ANKS1B: variants seen among roughly 807,000 people sequenced by gnomAD.
ANKS1B encodes the protein ankyrin repeat and sterile alpha motif domain-containing protein 1B.
ANKS1B carries 36 observed loss-of-function variants against 148.3 expected under a neutral mutation model. The observed-to-expected ratio is 0.24, with a 90% CI of 0.19 to 0.32. ANKS1B has a LOEUF of 0.32. Among genes scored for constraint, ANKS1B ranks in the 10% least tolerant of loss-of-function variants. ANKS1B has a pLI of 1.00. For synonymous variants in ANKS1B, 542 were observed against 560.8 expected, an observed-to-expected ratio of 0.97 and a Z score of 0.47; for missense variants, 1,157 against 1,542.6, an observed-to-expected ratio of 0.75 and a Z score of 4.19.
At chr12:99,382,039 G>A (rs2093660498) in intron 12 of ANKS1B, among the ~76,000 whole-genome samples, 1 of 152,166 alleles carries the variant, frequency 6.6e-6, no homozygotes, top group Non-Finnish European at 1.5e-5. Flanking sequence ...TTTACAAAGA[G>A]GGAAATTATA....
chr12:99,238,737 G>A lies in ANKS1B; in HGVS notation c.2419+5605C>T, dbSNP rs543082430. On this transcript the variant is annotated intron_variant, in intron 14 of 26. Transcript: ENST00000683438. Reference sequence around the variant, plus strand: ...GAAGGATCAGGCAGCAATATTTGCTGTTCTGCAGCCTCTACTAGTGATACC... The same window carrying A: ...GAAGGATCAGGCAGCAATATTTGCTATTCTGCAGCCTCTACTAGTGATACC... Among the ~76,000 whole-genome samples the A allele has an allele frequency of 5.9e-5, 9 of 152,292 alleles. 1 individual carries two copies. The Middle Eastern group carries it at 0.014, about 232-fold the overall frequency.
exon 10 of ANKS1B, chr12:98,735,488 A>G: frequency 1.7e-6 from 1 of 587,086 alleles, no homozygotes; most frequent in Non-Finnish European, 3.3e-6. Flanking sequence ...AGACCACTAA[A>G]GTGAAGGATT....
intron 3 of ANKS1B, among the ~76,000 whole-genome samples, chr12:99,808,963 A>C (rs888644197): frequency 5.9e-5 from 9 of 152,082 alleles, no homozygotes; most frequent in African/African-American, 2.2e-4. Context: ...AAGTTCACAG[A>C]TTTTATCCAT....
rs574531347 is a variant in ANKS1B, at chr12:99,706,327, C to T, written c.1129-51117G>A. The T allele has an allele frequency of 3.4e-4, 51 of 151,980 alleles. 1 individual carries two copies. The highest frequency in any genetic ancestry group is 1.2e-3 in the African/African-American group (50 of 41,502). The allele number at this position is 151,980 out of a possible 1,614,324, so 9.4% of individuals were successfully genotyped here. A position where few individuals can be genotyped will look rare whatever the true frequency, so the allele number is the denominator to read the frequency against. ...GGAAGAGAAGAAGATGGTTGGGGTACTGCTTTTTAAAATAATAATAAATAA... is the reference window on the plus strand; with the variant it reads ...GGAAGAGAAGAAGATGGTTGGGGTATTGCTTTTTAAAATAATAATAAATAA... On this transcript the variant is annotated intron_variant, in intron 8 of 26. Transcript: ENST00000683438.
At chr12:99,451,261 A>G (rs2152820590) in intron 10 of ANKS1B, among the ~76,000 whole-genome samples, 1 of 152,340 alleles carries the variant, frequency 6.6e-6, no homozygotes, top group South Asian at 2.1e-4. Context: ...AGTTTATTTT[A>G]TCTTTTAGAA....
chr12:99,643,991 T>A (rs1444616308), intron 9 of ANKS1B, among the ~76,000 whole-genome samples: 1 of 152,232 alleles, frequency 6.6e-6, no homozygotes, highest in Admixed American at 6.5e-5. Context: ...ATTGAGAATG[T>A]TCCAACCATC....
At chr12:99,322,983 C>T (rs1279964222) in intron 12 of ANKS1B, among the ~76,000 whole-genome samples, 1 of 152,194 alleles carries the variant, frequency 6.6e-6, no homozygotes, top group Admixed American at 6.5e-5. Context: ...GCCCCCTGGT[C>T]ATGTGGAACT....
chr12:99,516,806 A>C (rs2096825962), intron 9 of ANKS1B, among the ~76,000 whole-genome samples: 1 of 152,002 alleles, frequency 6.6e-6, no homozygotes, highest in Non-Finnish European at 1.5e-5. Context: ...GCACCTTTGT[A>C]AAAAATGAGT....
At chr12:99,060,540 A>G (rs575640560) in intron 16 of ANKS1B, among the ~76,000 whole-genome samples, 116 of 152,230 alleles carry the variant, frequency 7.6e-4, no homozygotes, top group African/African-American at 2.8e-3. Context: ...GTAAGATTAC[A>G]TGACCACTAT....
At chr12:99,450,863 T>A (rs2152819370) in intron 10 of ANKS1B, among the ~76,000 whole-genome samples, 1 of 152,342 alleles carries the variant, frequency 6.6e-6, no homozygotes, top group South Asian at 2.1e-4. Flanking sequence ...GCTTTTATAA[T>A]AATTCCATGA....
At chr12:98,817,655 C>G (rs948272172) in intron 19 of ANKS1B, among the ~76,000 whole-genome samples, 3 of 152,226 alleles carry the variant, frequency 2.0e-5, no homozygotes, top group African/African-American at 7.2e-5. Context: ...CTGTTAGCTT[C>G]TCAAGTTCCC....
chr12:99,960,056 T>C (rs1444541200), intron 1 of ANKS1B, among the ~76,000 whole-genome samples: 1 of 152,152 alleles, frequency 6.6e-6, no homozygotes, highest in Non-Finnish European at 1.5e-5. Flanking sequence ...ATGAGCACTT[T>C]ATTTGCAAAA....
chr12:99,134,127 T>G (rs926133265), intron 15 of ANKS1B, among the ~76,000 whole-genome samples: 6 of 152,140 alleles, frequency 3.9e-5, no homozygotes, highest in African/African-American at 1.4e-4. Flanking sequence ...TAGACAACGA[T>G]TTTTTTCCTC....
chr12:99,723,508 C>A (rs762204520), intron 8 of ANKS1B, among the ~76,000 whole-genome samples: 9 of 152,144 alleles, frequency 5.9e-5, no homozygotes, highest in Non-Finnish European at 1.0e-4. Context: ...GCCGGAGCCA[C>A]TAGGGGTAGG....
At chr12:99,418,119 A>C (rs10777983) in intron 11 of ANKS1B, among the ~76,000 whole-genome samples, 40,393 of 152,056 alleles carry the variant, frequency 0.27, 5,512 homozygotes, top group East Asian at 0.43. Flanking sequence ...CTAATTAATA[A>C]CATAAAACAT....
At chr12:99,713,618 C>A (rs1311203449) in intron 8 of ANKS1B, among the ~76,000 whole-genome samples, 1 of 152,128 alleles carries the variant, frequency 6.6e-6, no homozygotes. Flanking sequence ...AACAAAGAAC[C>A]CTTAATTCCA....
intron 16 of ANKS1B, among the ~76,000 whole-genome samples, chr12:99,074,101 C>T (rs1413356972): frequency 2.6e-5 from 4 of 152,156 alleles, no homozygotes; most frequent in African/African-American, 9.7e-5. Context: ...CCCTATTTCT[C>T]TCACTACAGA....
At chr12:99,524,731 G>T (rs904605256) in intron 9 of ANKS1B, among the ~76,000 whole-genome samples, 2 of 152,178 alleles carry the variant, frequency 1.3e-5, no homozygotes, top group Non-Finnish European at 2.9e-5. Flanking sequence ...TTACATGGCA[G>T]CAGGCAAGAG....
At chr12:98,837,685 T>A (rs1185848241) in intron 17 of ANKS1B, among the ~76,000 whole-genome samples, 1 of 152,172 alleles carries the variant, frequency 6.6e-6, no homozygotes, top group East Asian at 1.9e-4. Flanking sequence ...TACCCTTACA[T>A]GGAATAGCTT....
Sources: allele counts gnomAD v4.1 joint callset (sites outside exome capture counted in the v4.1 genomes callset), GRCh38; gene constraint gnomAD v4.1.1; transcripts MANE v1.5; gene names NCBI Gene and HGNC (gene_info 2026-07-23, HGNC 2026-07-21).